Variants in GPHN observed in about 807,000 individuals in gnomAD.
The protein encoded by GPHN is gephyrin.
A neutral mutation model predicts 95.5 loss-of-function variants in GPHN; 17 were observed. The ratio of observed to expected loss-of-function variants is 0.18; its 90% CI spans 0.12 to 0.27. GPHN has a LOEUF of 0.27. Ranked by LOEUF, GPHN falls within the 10% of genes least tolerant of loss-of-function variation. The probability of loss-of-function intolerance (pLI) is 1.00; values close to 1 mark genes in which losing one functional copy is unlikely to be tolerated. For missense variants in GPHN, 660 were observed against 978.1 expected (o/e 0.67, Z 4.34); for synonymous variants, 320 against 322.5 (o/e 0.99, Z 0.08).
rs577574753 is a variant in GPHN at position 66,585,599 on chromosome 14, C to T, written c.64+77008C>T. Among the ~76,000 whole-genome samples, 513 of 152,104 alleles carry T rather than the reference C, an allele frequency of 3.4e-3. 5 individuals carry two copies. The highest frequency in any genetic ancestry group is 5.7e-3 in the Non-Finnish European group (387 of 67,992). On this transcript the variant is annotated intron_variant, in intron 1 of 22. Transcript: ENST00000478722. ...TTCTGGTATGTTTTGTCTTTGTTCT[C>T]GTTGGTTTCAAAGAACATCTTTATT...
chr14:66,918,908 A>C (rs555258975), intron 6 of GPHN, among the ~76,000 whole-genome samples: 2 of 152,238 alleles, frequency 1.3e-5, no homozygotes, highest in African/African-American at 4.8e-5. Context: ...ACCCTCCAAA[A>C]ATTTTTAAGA....
chr14:66,602,565 C>T (rs925243397), intron 1 of GPHN, among the ~76,000 whole-genome samples: 1 of 151,906 alleles, frequency 6.6e-6, no homozygotes, highest in Admixed American at 6.6e-5. Flanking sequence ...TTAAAGGATT[C>T]AATTTTTCAT....
In GPHN at chr14:66,532,061, A is replaced by G. The variant is rs779924586; in HGVS notation, c.64+23470A>G. ...TTGGTCTAAGGGCTGTAGTTTGCCA[A>G]CTCCTACTCAAGACGTAGCCTGTTG... On this transcript the variant is annotated intron_variant, in intron 1 of 22. Coordinates refer to ENST00000478722, the MANE Select transcript of GPHN (RefSeq NM_020806.5). Among the ~76,000 whole-genome samples the G allele has an allele frequency of 4.4e-4, 67 of 152,188 alleles. 1 individual carries two copies. The highest frequency in any genetic ancestry group is 7.6e-4 in the Non-Finnish European group (52 of 68,036).
chr14:66,936,628 A>G (rs983105640), intron 8 of GPHN, among the ~76,000 whole-genome samples: 2 of 152,248 alleles, frequency 1.3e-5, no homozygotes, highest in Non-Finnish European at 2.9e-5. Flanking sequence ...ATAGTTTTAT[A>G]AAGGTTGAGT....
chr14:66,840,720 T>C (rs191680942), intron 4 of GPHN, among the ~76,000 whole-genome samples: 369 of 124,070 alleles, frequency 3.0e-3, no homozygotes, highest in African/African-American at 9.4e-3. Context: ...AGATCACTTA[T>C]AGAGTGCAGG....
chr14:66,965,085 A>G (rs2069228460), intron 8 of GPHN, 106 bp from the exon 9 acceptor site: 5 of 902,132 alleles, frequency 5.5e-6, no homozygotes, highest in African/African-American at 1.6e-5. Context: ...GTGACACCAA[A>G]TATGTCAGAG....
At chr14:67,222,999 CT>C in the GPHN span, among the ~76,000 whole-genome samples, 1,781 of 124,720 alleles carry the variant, frequency 0.014, 8 homozygotes, top group African/African-American at 0.031. Context: ...TCCCATTGGG[CT>C]TTTTTTTTTT....
intron 9 of GPHN, among the ~76,000 whole-genome samples, chr14:66,989,524 C>T (rs2071258254): frequency 2.0e-5 from 3 of 151,866 alleles, no homozygotes; most frequent in African/African-American, 4.8e-5. Context: ...CTTTTTTCAA[C>T]ACCTGTACTA....
the GPHN span, among the ~76,000 whole-genome samples, chr14:67,351,472 C>G: frequency 6.6e-6 from 1 of 152,066 alleles, no homozygotes; most frequent in East Asian, 1.9e-4. Flanking sequence ...AGAAAAAGAC[C>G]AACAGATTTG....
chr14:67,069,191 C>G (rs1054922017), intron 11 of GPHN, among the ~76,000 whole-genome samples: 2 of 152,154 alleles, frequency 1.3e-5, no homozygotes, highest in Non-Finnish European at 2.9e-5. Context: ...TTGTAGGATA[C>G]TATTAAAGGA....
the GPHN span, among the ~76,000 whole-genome samples, chr14:67,544,495 A>G: frequency 6.6e-6 from 1 of 152,252 alleles, no homozygotes. Context: ...ACTTGAGGAA[A>G]TAATCTACAA....
intron 1 of GPHN, among the ~76,000 whole-genome samples, chr14:66,620,977 T>C (rs1163823350): frequency 2.6e-5 from 4 of 152,152 alleles, no homozygotes; most frequent in African/African-American, 9.6e-5. Context: ...AAATCTTTTT[T>C]TTTGAGAGAG....
At chr14:67,068,311 TG>T (rs2076148472) in intron 11 of GPHN, among the ~76,000 whole-genome samples, 1 of 152,256 alleles carries the variant, frequency 6.6e-6, no homozygotes, top group Non-Finnish European at 1.5e-5. Flanking sequence ...CTATTTTCTC[TG>T]GTCTGTCTTT....
chr14:67,596,531 G>A, the GPHN span, among the ~76,000 whole-genome samples: 2 of 151,882 alleles, frequency 1.3e-5, no homozygotes, highest in African/African-American at 4.8e-5. Context: ...ATTCCTTGAG[G>A]GCAGGAAGTG....
chr14:67,476,376 C>T, the GPHN span, among the ~76,000 whole-genome samples: 1 of 152,136 alleles, frequency 6.6e-6, no homozygotes, highest in African/African-American at 2.4e-5. Flanking sequence ...CACCTGAGGT[C>T]AGGAGTTTGA....
the GPHN span, chr14:67,338,563 A>G: frequency 1.3e-6 from 2 of 1,569,796 alleles, no homozygotes; most frequent in Non-Finnish European, 8.6e-7. Context: ...AAACCTACAC[A>G]CTGTGAATTA....
At chr14:66,795,850 CTT>C (rs1370840733) in intron 3 of GPHN, among the ~76,000 whole-genome samples, 4 of 152,102 alleles carry the variant, frequency 2.6e-5, no homozygotes, top group African/African-American at 7.2e-5. Context: ...CAATTATACT[CTT>C]TTAGTTATTT....
intron 3 of GPHN, among the ~76,000 whole-genome samples, chr14:66,791,571 A>T (rs1168092488): frequency 2.0e-5 from 3 of 152,158 alleles, no homozygotes; most frequent in Non-Finnish European, 4.4e-5. Context: ...ATTTTTTTAG[A>T]CCATATAGGG....
chr14:66,576,806 A>G (rs1439536697), intron 1 of GPHN, among the ~76,000 whole-genome samples: 3 of 152,204 alleles, frequency 2.0e-5, no homozygotes, highest in Non-Finnish European at 4.4e-5. Flanking sequence ...TTCTGTATTT[A>G]ATTACTGAAA....
Sources: gnomAD v4.1 joint callset for allele counts (sites outside exome capture counted in the v4.1 genomes callset) on GRCh38, gnomAD v4.1.1 for gene constraint, MANE v1.5 for transcripts, NCBI Gene and HGNC (gene_info 2026-07-23, HGNC 2026-07-21) for gene names.